Variants in AFF3 observed in about 807,000 individuals in gnomAD.
AFF3 encodes AF4/FMR2 family member 3.
A neutral mutation model predicts 129.7 loss-of-function variants in AFF3; 32 were observed. The ratio of observed to expected loss-of-function variants is 0.25; its 90% confidence interval spans 0.19 to 0.33. AFF3 has a LOEUF of 0.33. Among genes scored for constraint, AFF3 ranks in the 10% least tolerant of loss-of-function variants. The pLI, the probability that AFF3 is intolerant of heterozygous loss-of-function variation, is 1.00. For synonymous variants in AFF3, 644 were observed against 635.4 expected, an observed-to-expected ratio of 1.01 and a Z score of -0.20; for missense variants, 1,373 against 1,592.0, an observed-to-expected ratio of 0.86 and a Z score of 2.34.
intron 7 of AFF3, among the ~76,000 whole-genome samples, chr2:99,880,811 G>C (rs1485336432): frequency 6.6e-6 from 1 of 152,204 alleles, no homozygotes; most frequent in African/African-American, 2.4e-5. Context: ...TGTGGCGACA[G>C]ATGACGGAGT....
intron 2 of AFF3, among the ~76,000 whole-genome samples, chr2:100,124,664 G>T (rs879841073): frequency 1.3e-5 from 2 of 151,610 alleles, no homozygotes; most frequent in Admixed American, 6.6e-5. Context: ...GGAGCAGAAG[G>T]GGGGAGATGG....
chr2:99,952,979 G>A (rs1237393997), intron 7 of AFF3, among the ~76,000 whole-genome samples: 1 of 152,192 alleles, frequency 6.6e-6, no homozygotes, highest in Non-Finnish European at 1.5e-5. Flanking sequence ...GGATTTAAGT[G>A]ATAAGATAAT....
At chr2:99,588,859 A>G (rs1678383409) in intron 15 of AFF3, among the ~76,000 whole-genome samples, 1 of 152,228 alleles carries the variant, frequency 6.6e-6, no homozygotes, top group Non-Finnish European at 1.5e-5. Context: ...AATACCAAGT[A>G]AAGAGCACTA....
intron 10 of AFF3, among the ~76,000 whole-genome samples, chr2:99,733,088 T>C (rs973590060): frequency 4.6e-5 from 7 of 152,022 alleles, no homozygotes; most frequent in African/African-American, 1.4e-4. Context: ...TCAATACATA[T>C]ATAAAACTTG....
chr2:100,057,194 G>A (rs1256707823), intron 4 of AFF3, among the ~76,000 whole-genome samples: 1 of 151,802 alleles, frequency 6.6e-6, no homozygotes, highest in South Asian at 2.1e-4. Flanking sequence ...GGTGGCGGGC[G>A]CCTGTAATCC....
At chr2:100,045,190 T>C (rs1489393472) in intron 4 of AFF3, among the ~76,000 whole-genome samples, 3 of 152,032 alleles carry the variant, frequency 2.0e-5, no homozygotes, top group African/African-American at 7.2e-5. Context: ...CTGGCCGTTT[T>C]CCTTATCAAG....
chr2:99,924,562 A>G (rs1396714020), intron 7 of AFF3, among the ~76,000 whole-genome samples: 2 of 152,186 alleles, frequency 1.3e-5, no homozygotes, highest in Non-Finnish European at 2.9e-5. Context: ...TAATAGTTGT[A>G]TTCTCAATCT....
At chr2:99,975,397 G>T (rs1678773145) in intron 7 of AFF3, among the ~76,000 whole-genome samples, 1 of 152,196 alleles carries the variant, frequency 6.6e-6, no homozygotes, top group Non-Finnish European at 1.5e-5. Flanking sequence ...ACCTGCTTAT[G>T]AAATACTAAT....
chr2:100,070,873 CT>C (rs11294819), intron 4 of AFF3, among the ~76,000 whole-genome samples: 82,169 of 151,948 alleles, frequency 0.54, 23,140 homozygotes, highest in African/African-American at 0.7. Flanking sequence ...TCACGAAAGC[CT>C]TTTTTTGTAT....
chr2:99,960,066 G>A (rs1677072020), intron 7 of AFF3, among the ~76,000 whole-genome samples: 1 of 151,942 alleles, frequency 6.6e-6, no homozygotes, highest in Non-Finnish European at 1.5e-5. Context: ...TGTTGAATAA[G>A]GTAAACAGAT....
intron 11 of AFF3, chr2:99,706,980 T>C (rs755763541): frequency 9.5e-5 from 52 of 544,788 alleles, no homozygotes; most frequent in Non-Finnish European, 1.1e-4. Flanking sequence ...TCTCCTCTTT[T>C]ATAGGACATT....
At chr2:100,053,005 G>T (rs1249465643) in intron 4 of AFF3, among the ~76,000 whole-genome samples, 1 of 152,244 alleles carries the variant, frequency 6.6e-6, no homozygotes, top group African/African-American at 2.4e-5. Flanking sequence ...TGTGACAAGA[G>T]GGGAAGTGGA....
intron 4 of AFF3, among the ~76,000 whole-genome samples, chr2:100,048,762 C>T (rs1293211073): frequency 6.6e-6 from 1 of 152,058 alleles, no homozygotes; most frequent in Non-Finnish European, 1.5e-5. Context: ...ATATGGTGTG[C>T]AAAATGTAGA....
intron 7 of AFF3, among the ~76,000 whole-genome samples, chr2:99,987,312 C>T (rs1188201797): frequency 6.6e-6 from 1 of 152,154 alleles, no homozygotes; most frequent in Non-Finnish European, 1.5e-5. Context: ...AAGTCATAGA[C>T]GATGTGTACC....
At chr2:100,121,612 C>G (rs1243644903) in intron 2 of AFF3, among the ~76,000 whole-genome samples, 1 of 152,138 alleles carries the variant, frequency 6.6e-6, no homozygotes, top group Non-Finnish European at 1.5e-5. Context: ...AAAGGATGAG[C>G]TTGGCAAGTG....
At chr2:99,644,161 T>C (rs1684475166) in intron 13 of AFF3, among the ~76,000 whole-genome samples, 1 of 152,258 alleles carries the variant, frequency 6.6e-6, no homozygotes, top group Admixed American at 6.5e-5. Context: ...GGGCCTGAGA[T>C]ACTGCCAGAT....
intron 11 of AFF3, among the ~76,000 whole-genome samples, chr2:99,703,105 G>A (rs1276437218): frequency 6.6e-6 from 1 of 152,204 alleles, no homozygotes; most frequent in African/African-American, 2.4e-5. Context: ...TTCTGCAGGT[G>A]AGAAGTCCAA....
intron 7 of AFF3, among the ~76,000 whole-genome samples, chr2:99,849,153 C>T (rs892024191): frequency 4.6e-5 from 7 of 151,974 alleles, no homozygotes; most frequent in African/African-American, 1.5e-4. Flanking sequence ...AAACCATCCT[C>T]AAAGTTACAA....
chr2:99,867,666 G>A (rs893431259), intron 7 of AFF3, among the ~76,000 whole-genome samples: 4 of 151,776 alleles, frequency 2.6e-5, no homozygotes, highest in Admixed American at 6.6e-5. Flanking sequence ...GCAGGTGTTC[G>A]GAATGTTCCT....
Sources: gnomAD v4.1 joint callset for allele counts (sites outside exome capture counted in the v4.1 genomes callset) on GRCh38, gnomAD v4.1.1 for gene constraint, MANE v1.5 for transcripts, NCBI Gene and HGNC (gene_info 2026-07-23, HGNC 2026-07-21) for gene names.